ANKRD42: variants seen among roughly 807,000 people sequenced by gnomAD.
ANKRD42 encodes ankyrin repeat domain-containing protein 42.
Under a neutral mutation model 51.5 loss-of-function variants are expected in ANKRD42, and 43 were observed. That is an observed-to-expected ratio of 0.83 (90% CI 0.65 to 1.08). The LOEUF (loss-of-function observed/expected upper bound fraction) is 1.08. Among genes scored for constraint, ANKRD42 ranks in the 50% least tolerant of loss-of-function variants. The pLI is 0.00. For synonymous variants in ANKRD42, 203 were observed against 213.0 expected, an observed-to-expected ratio of 0.95 and a Z score of 0.41; for missense variants, 608 against 629.3, an observed-to-expected ratio of 0.97 and a Z score of 0.36.
At chr11:83,256,735 C>T (rs889889844), downstream of ANKRD42, among the ~76,000 whole-genome samples, 7 of 152,244 alleles carry the variant, frequency 4.6e-5, no homozygotes, top group South Asian at 6.2e-4. Context: ...TTCATGTGGA[C>T]GCTAAAGTCA....
chr11:83,240,713 T>C (rs975689102), intron 8 of ANKRD42, 46 bp from the exon 9 acceptor site: 1 of 1,604,288 alleles, frequency 6.2e-7, no homozygotes, highest in Non-Finnish European at 8.5e-7. Flanking sequence ...CAGTTTCAGT[T>C]TGAAGAAGAT....
chr11:83,204,952 A>G (rs558346819), intron 2 of ANKRD42, among the ~76,000 whole-genome samples: 2 of 152,308 alleles, frequency 1.3e-5, no homozygotes, highest in South Asian at 4.1e-4. Flanking sequence ...AATTAAGACC[A>G]CAATGAGATA....
downstream of ANKRD42, chr11:83,248,988 T>C (rs779769274): frequency 1.7e-5 from 17 of 983,438 alleles, no homozygotes; most frequent in Non-Finnish European, 2.1e-5. Context: ...TTCTCTTCAT[T>C]TTGCAACCCT....
In ANKRD42 at chr11:83,216,941, G is replaced by A. The variant is rs115084305; in HGVS notation, c.586+5511G>A. Among the ~76,000 whole-genome samples, 218 of 152,316 alleles carry A rather than the reference G, an allele frequency of 1.4e-3. 1 individual carries two copies. The highest frequency in any genetic ancestry group is 4.8e-3 in the African/African-American group (200 of 41,562). On this transcript the variant is annotated intron_variant, in intron 5 of 10. Transcript: ENST00000533342. ...TCTGGCTACTTCCTGCTGGTTAGGG[G>A]CGAAGAAGGGGCCCTGCAGTTGTGG...
At chr11:83,262,052 G>A, downstream of ANKRD42, 2 of 923,550 alleles carry the variant, frequency 2.2e-6, no homozygotes, top group Non-Finnish European at 3.2e-6. Context: ...TTTAAGTGAA[G>A]AGCAAAAAAC....
chr11:83,246,794 G>A (rs890039276), intron 10 of ANKRD42, among the ~76,000 whole-genome samples: 5 of 152,010 alleles, frequency 3.3e-5, no homozygotes, highest in Non-Finnish European at 7.4e-5. Flanking sequence ...GGATTAATGT[G>A]GTTAAGCTGA....
At chr11:83,221,366 A>G (rs1163674029) in intron 5 of ANKRD42, among the ~76,000 whole-genome samples, 3 of 152,194 alleles carry the variant, frequency 2.0e-5, no homozygotes, top group Admixed American at 6.5e-5. Flanking sequence ...ACATATTGCC[A>G]TCTTGTTAGA....
chr11:83,243,956 G>T (rs759775406), intron 9 of ANKRD42, among the ~76,000 whole-genome samples: 3 of 132,248 alleles, frequency 2.3e-5, no homozygotes, highest in African/African-American at 8.7e-5. Context: ...GAACCACCTC[G>T]CCTGGCTGCC....
At chr11:83,235,133 A>G (rs1406297331) in intron 7 of ANKRD42, among the ~76,000 whole-genome samples, 1 of 152,242 alleles carries the variant, frequency 6.6e-6, no homozygotes. Context: ...ACTGTTAAAG[A>G]GTTACACAAT....
intron 9 of ANKRD42, among the ~76,000 whole-genome samples, chr11:83,244,701 A>ATATCCATCCTTTC (rs1354633580): frequency 6.6e-6 from 1 of 152,242 alleles, no homozygotes; most frequent in Non-Finnish European, 1.5e-5. Flanking sequence ...TGGAGAATTC[A>ATATCCATCCTTTC]TAGTTCTAAT....
chr11:83,233,548 G>C (rs1047149522), intron 7 of ANKRD42, among the ~76,000 whole-genome samples: 1 of 151,830 alleles, frequency 6.6e-6, no homozygotes, highest in African/African-American at 2.4e-5. Flanking sequence ...TTGTTTCATT[G>C]ATCTTTTGTA....
In ANKRD42 at chr11:83,255,552, A is replaced by G. The variant is rs546798017; in HGVS notation, c.1465-293A>G. On this transcript the variant is annotated intron_variant, in intron 11 of 11. Coordinates refer to the ANKRD42 transcript ENST00000260047. ...TGTTAGGTAGAGATAAAACTTAATGAGATAAGACGGAAAATTGGCTATATC... is the reference window on the plus strand; with the variant it reads ...TGTTAGGTAGAGATAAAACTTAATGGGATAAGACGGAAAATTGGCTATATC... Among the ~76,000 whole-genome samples the G allele has an allele frequency of 2.6e-5, 4 of 152,326 alleles. No individual in the cohort carries two copies. In the East Asian group the frequency reaches 7.7e-4, roughly 29 times the overall value.
chr11:83,200,387 T>A (rs1861822473), intron 2 of ANKRD42, among the ~76,000 whole-genome samples: 2 of 152,238 alleles, frequency 1.3e-5, no homozygotes, highest in Non-Finnish European at 2.9e-5. Context: ...GATTATGTAT[T>A]AAGTGCTTGA....
At chr11:83,212,688 T>C in intron 5 of ANKRD42, 2 of 1,536,132 alleles carry the variant, frequency 1.3e-6, no homozygotes, top group Non-Finnish European at 1.7e-6. Flanking sequence ...TCTGATTCCT[T>C]GGCTTGGCAT....
intron 5 of ANKRD42, among the ~76,000 whole-genome samples, chr11:83,215,702 G>A (rs1862505493): frequency 6.6e-6 from 1 of 152,116 alleles, no homozygotes; most frequent in Non-Finnish European, 1.5e-5. Flanking sequence ...CACAAAGAAA[G>A]GAATAGAAAC....
intron 5 of ANKRD42, among the ~76,000 whole-genome samples, chr11:83,223,558 A>G (rs1478398157): frequency 6.6e-6 from 1 of 152,114 alleles, no homozygotes; most frequent in Non-Finnish European, 1.5e-5. Context: ...ATTAACCGAG[A>G]CGGGGAGATA....
intron 2 of ANKRD42, among the ~76,000 whole-genome samples, chr11:83,202,331 T>C (rs1861904276): frequency 6.6e-6 from 1 of 152,202 alleles, no homozygotes; most frequent in Non-Finnish European, 1.5e-5. Flanking sequence ...GCACTCTTGT[T>C]CTGTTCCATT....
downstream of ANKRD42, among the ~76,000 whole-genome samples, chr11:83,257,026 G>A (rs1453823872): frequency 6.6e-6 from 1 of 152,148 alleles, no homozygotes; most frequent in Non-Finnish European, 1.5e-5. Context: ...GTTGACAACT[G>A]TTATTACTAT....
At chr11:83,213,531 AT>A (rs1312038556) in intron 5 of ANKRD42, 9 of 1,285,568 alleles carry the variant, frequency 7.0e-6, no homozygotes, top group African/African-American at 1.5e-5. Context: ...TTCAATTTCC[AT>A]TTTCACATAT....
Sources: gnomAD v4.1 joint callset for allele counts (sites outside exome capture counted in the v4.1 genomes callset) on GRCh38, gnomAD v4.1.1 for gene constraint, MANE v1.5 for transcripts, NCBI Gene and HGNC (gene_info 2026-07-23, HGNC 2026-07-21) for gene names.